COQ3: variants seen among roughly 807,000 people sequenced by gnomAD.
The protein encoded by COQ3 is coenzyme Q3, methyltransferase.
Under a neutral mutation model 33.1 loss-of-function variants are expected in COQ3, and 29 were observed. That is an observed-to-expected ratio of 0.88 (90% CI 0.65 to 1.19). COQ3 has a LOEUF of 1.19. COQ3 is among the 50% of genes most tolerant of loss of function. The pLI, the probability that COQ3 is intolerant of heterozygous loss-of-function variation, is 0.00. For missense variants in COQ3, 437 were observed against 430.7 expected (o/e 1.01, Z -0.13); for synonymous variants, 173 against 157.8 (o/e 1.10, Z -0.72).
At chr6:99,370,489 C>G (rs1181446637) in intron 6 of COQ3, among the ~76,000 whole-genome samples, 1 of 151,622 alleles carries the variant, frequency 6.6e-6, no homozygotes, top group Non-Finnish European at 1.5e-5. Flanking sequence ...GCTGGGATTA[C>G]AGGCATGCAC....
chr6:99,380,364 C>A, intron 2 of COQ3, 23 bp from the exon 3 acceptor site: 1 of 1,609,868 alleles, frequency 6.2e-7, no homozygotes. Flanking sequence ...AATGAAGAAC[C>A]AAGCAAATAC....
chr6:99,394,195 C>T lies in COQ3; in HGVS notation c.-16G>A. The T allele has an allele frequency of 6.5e-7, 1 of 1,548,230 alleles. No homozygotes were observed. Among genetic ancestry groups the T allele is most frequent in the Non-Finnish European group, 8.7e-7 (1 of 1,146,340 alleles). The stretch of plus-strand genomic sequence containing the variant: ...CACTCCACATCGCGACAAACGATCC[C>T]ACCTCTTTTCCGGTCCCTCCCGAAA... On this transcript the variant is annotated 5_prime_UTR_variant, in exon 1 of 7. Coordinates refer to ENST00000254759, the MANE Select transcript of COQ3 (RefSeq NM_017421.4).
At position 99,394,095 on chromosome 6, in the gene COQ3, G is replaced by T; in HGVS notation, c.85C>A (p.Arg29Ser). Residue 29 changes from arginine to serine, a missense_variant, in exon 1 of 7, where the codon CGT becomes AGT. Arg to Ser is a moderately radical substitution (Grantham distance 110). Transcript: ENST00000254759. Reference sequence around the variant, plus strand: ...TCACCCGCCGAGGAAATTAAGGGACGCGCAGCTTTTGTATTACAGCCTCCA... The same window carrying T: ...TCACCCGCCGAGGAAATTAAGGGACTCGCAGCTTTTGTATTACAGCCTCCA... The part of the protein sequence containing the change: ...GPGGCNTKAA[R>S]PLISSAVYVK... The T allele has an allele frequency of 1.2e-6, 2 of 1,613,768 alleles. No homozygotes were observed. Among genetic ancestry groups the T allele is most frequent in the Non-Finnish European group, 1.7e-6 (2 of 1,179,810 alleles).
intron 3 of COQ3, among the ~76,000 whole-genome samples, chr6:99,378,199 A>C (rs936899054): frequency 1.4e-5 from 2 of 140,812 alleles, no homozygotes; most frequent in Non-Finnish European, 3.1e-5. Context: ...TATAAATTTT[A>C]ATTATACTTA....
chr6:99,372,110 A>G (rs1291551679), intron 5 of COQ3, among the ~76,000 whole-genome samples: 1 of 152,162 alleles, frequency 6.6e-6, no homozygotes, highest in Non-Finnish European at 1.5e-5. Flanking sequence ...TTTATAAAAA[A>G]TATAAAGAGT....
intron 2 of COQ3, among the ~76,000 whole-genome samples, chr6:99,382,236 T>A (rs955233810): frequency 2.6e-5 from 4 of 152,164 alleles, no homozygotes; most frequent in Admixed American, 6.5e-5. Context: ...AAAATTTTAT[T>A]TAATTAAATG....
Position 99,380,886 on chromosome 6 carries a change from G to A in COQ3, c.234-545C>T, listed in dbSNP as rs143242593. ...TGAGCCACTGCACTCCAGCCTCGGCGACAGAGTGAGACTCTGTCTCAAAAT... is the reference window on the plus strand; with the variant it reads ...TGAGCCACTGCACTCCAGCCTCGGCAACAGAGTGAGACTCTGTCTCAAAAT... On this transcript the variant is annotated intron_variant, in intron 2 of 6. Transcript: ENST00000254759. 1.2e-3 allele frequency among the ~76,000 whole-genome samples: 188 copies of A among 152,070 alleles called. 2 individuals are homozygous for A. In the East Asian group the frequency reaches 0.029, roughly 24 times the overall value.
In COQ3 at chr6:99,383,835, A is replaced by C. The variant is rs770594278; in HGVS notation, c.107-11T>G. 1.3e-6 allele frequency: 2 copies of C among 1,562,244 alleles called. No homozygotes were observed. Among genetic ancestry groups the C allele is most frequent in the African/African-American group, 2.8e-5 (2 of 71,704 alleles). ...GGTTCTTCACATAAACTGAAAAAAA[A>C]AATTAAATATCTAGAGAAAAGCTTT... On this transcript the variant is annotated splice_polypyrimidine_tract_variant and intron_variant, in intron 1 of 6. Coordinates refer to ENST00000254759, the MANE Select transcript of COQ3 (RefSeq NM_017421.4).
intron 5 of COQ3, 147 bp downstream of exon 5, chr6:99,375,793 G>T: frequency 1.3e-6 from 1 of 744,754 alleles, no homozygotes; most frequent in Non-Finnish European, 2.2e-6. Flanking sequence ...CAGCAGAGAT[G>T]CTGTCCCCTC....
chr6:99,375,847 G>T (rs1774265551), intron 5 of COQ3, 93 bp downstream of exon 5: 2 of 1,343,270 alleles, frequency 1.5e-6, no homozygotes, highest in Admixed American at 1.8e-5. Flanking sequence ...TTGCCTGCTG[G>T]ACTGCTAATG....
rs1429528921 is a variant in COQ3 at position 99,380,276 on chromosome 6, A to G, written c.299T>C (p.Phe100Ser). ...CCACCATTTGTGAGCCAGGGCCAAG[A>G]AGGTTTTTACCTCACCGCTGTCGAC... ...TTVDSGEVKT[F>S]LALAHKWWDE... is the part of the protein sequence containing the mutation. The change falls in exon 3 of 7, where the codon TTC becomes TCC. Residue 100 changes from phenylalanine to serine, a missense_variant. Phe to Ser is a radical substitution (Grantham distance 155, BLOSUM62 -2). Coordinates refer to ENST00000254759, the MANE Select transcript of COQ3 (RefSeq NM_017421.4). 1 of 1,614,094 alleles carries G rather than the reference A, an allele frequency of 6.2e-7. No homozygotes were observed. Among genetic ancestry groups the G allele is most frequent in the Non-Finnish European group, 8.5e-7 (1 of 1,180,016 alleles).
At chr6:99,385,976 CAAA>C (rs61403627) in intron 1 of COQ3, among the ~76,000 whole-genome samples, 2 of 97,740 alleles carry the variant, frequency 2.0e-5, no homozygotes, top group Non-Finnish European at 1.9e-5. Flanking sequence ...GACTCTGTCT[CAAA>C]AAAAAAAAAA....
At position 99,383,698 on chromosome 6, in the gene COQ3, CTGAAACTCTT is replaced by C; in HGVS notation, c.223_232del (p.Lys75GlyfsTer20). On this transcript the variant is annotated frameshift_variant and splice_region_variant, in exon 2 of 7. Transcript: ENST00000254759. LOFTEE classifies it high-confidence loss of function. ...TTTGCCACAGTAATAATAAACCCAC[CTGAAACTCTT>C]TATTCTGTTCAAACAGGAAAAGATC... 1.3e-6 allele frequency: 2 copies of C among 1,569,046 alleles called. No individual in the cohort carries two copies. Among genetic ancestry groups the C allele is most frequent in the South Asian group, 2.4e-5 (2 of 81,972 alleles).
intron 1 of COQ3, among the ~76,000 whole-genome samples, chr6:99,385,989 A>G (rs1192811343): frequency 2.7e-4 from 23 of 85,462 alleles, no homozygotes; most frequent in Non-Finnish European, 3.3e-4. Flanking sequence ...AAAAAAAAAA[A>G]AAAAGAAAAG....
intron 5 of COQ3, among the ~76,000 whole-genome samples, chr6:99,375,576 G>GT (rs1774259734): frequency 1.3e-5 from 2 of 151,732 alleles, no homozygotes; most frequent in Non-Finnish European, 2.9e-5. Flanking sequence ...GTAGAGATGG[G>GT]GTTTCACCAT....
At chr6:99,393,981 A>G in intron 1 of COQ3, 93 bp downstream of exon 1, 1 of 1,068,410 alleles carries the variant, frequency 9.4e-7, no homozygotes, top group South Asian at 1.3e-5. Context: ...CGCGAGGTCC[A>G]GAGACAACCC....
At chr6:99,385,396 G>A (rs1212284110) in intron 1 of COQ3, among the ~76,000 whole-genome samples, 1 of 151,996 alleles carries the variant, frequency 6.6e-6, no homozygotes, top group Non-Finnish European at 1.5e-5. Context: ...ACCATATCCT[G>A]GGACACAAAA....
rs779384361 is a variant in COQ3 at position 99,377,492 on chromosome 6, T to A, written c.387-7A>T. The A allele has an allele frequency of 1.4e-5, 23 of 1,592,570 alleles. No individual in the cohort carries two copies. Among genetic ancestry groups the A allele is most frequent in the East Asian group, 2.3e-5 (1 of 44,318 alleles). ...TGTTTTCAGAAGATTGTCCCTTTTT[T>A]AAAAAATTCAAAACATACCAAAACA... On this transcript the variant is annotated splice_region_variant and splice_polypyrimidine_tract_variant and intron_variant, in intron 3 of 6. Transcript: ENST00000254759.
intron 1 of COQ3, among the ~76,000 whole-genome samples, chr6:99,386,246 A>G (rs1444361970): frequency 6.6e-6 from 1 of 152,028 alleles, no homozygotes; most frequent in Non-Finnish European, 1.5e-5. Context: ...GCTGGTCAAC[A>G]TGATAGAAGC....
Sources: allele counts gnomAD v4.1 joint callset (sites outside exome capture counted in the v4.1 genomes callset), GRCh38; gene constraint gnomAD v4.1.1; transcripts MANE v1.5; gene names NCBI Gene and HGNC (gene_info 2026-07-23, HGNC 2026-07-21).